Variants in SKAP1 observed in about 807,000 individuals in gnomAD.
SKAP1 encodes src kinase-associated phosphoprotein 1.
SKAP1 carries 44 observed loss-of-function variants against 58.5 expected under a neutral mutation model. The observed-to-expected ratio is 0.75, with a 90% CI of 0.59 to 0.97. The LOEUF (loss-of-function observed/expected upper bound fraction) is 0.97, where lower values mean the gene tolerates loss of function less well. SKAP1 is among the 50% of genes least tolerant of loss of function. SKAP1 has a pLI of 0.00. For missense variants in SKAP1, 390 were observed against 435.2 expected (o/e 0.90, Z 0.92); for synonymous variants, 127 against 149.7 (o/e 0.85, Z 1.11).
At chr17:48,378,366 A>AATAACCAC (rs1386054155) in intron 2 of SKAP1, among the ~76,000 whole-genome samples, 1 of 152,188 alleles carries the variant, frequency 6.6e-6, no homozygotes, top group Non-Finnish European at 1.5e-5. Context: ...AAACAGAAAT[A>AATAACCAC]ATAACCACAT....
intron 4 of SKAP1, among the ~76,000 whole-genome samples, chr17:48,277,752 C>T (rs993408618): frequency 1.3e-5 from 2 of 152,102 alleles, no homozygotes; most frequent in Admixed American, 6.5e-5. Flanking sequence ...AGTCTCATAC[C>T]TCTATGTCCA....
intron 12 of SKAP1, among the ~76,000 whole-genome samples, chr17:48,134,924 G>A (rs1389238057): frequency 2.6e-5 from 4 of 152,064 alleles, no homozygotes; most frequent in East Asian, 1.9e-4. Flanking sequence ...GGCCGGTCCC[G>A]AACTCCTGAC....
intron 4 of SKAP1, among the ~76,000 whole-genome samples, chr17:48,302,840 A>G (rs749913754): frequency 6.6e-6 from 1 of 152,336 alleles, no homozygotes; most frequent in South Asian, 2.1e-4. Flanking sequence ...GGCTGCAAAA[A>G]GCCAGAATCC....
chr17:48,367,536 G>GTATATATATATGGATATATATCCATATA (rs2067020466), intron 2 of SKAP1, among the ~76,000 whole-genome samples: 3 of 135,600 alleles, frequency 2.2e-5, no homozygotes, highest in Admixed American at 7.6e-5. Flanking sequence ...GTATGTGTGT[G>GTATATATATATGGATATATATCCATATA]TATATATATA....
chr17:48,258,137 G>A (rs986342141), intron 4 of SKAP1, among the ~76,000 whole-genome samples: 2 of 152,068 alleles, frequency 1.3e-5, no homozygotes, highest in Admixed American at 1.3e-4. Context: ...GTAGCAAATT[G>A]TCAGTATTCC....
At chr17:48,311,546 C>T (rs1254439202) in intron 4 of SKAP1, among the ~76,000 whole-genome samples, 1 of 152,142 alleles carries the variant, frequency 6.6e-6, no homozygotes, top group Non-Finnish European at 1.5e-5. Context: ...GAACTCTGAA[C>T]TCTATATGCC....
intron 4 of SKAP1, among the ~76,000 whole-genome samples, chr17:48,224,068 A>AGGAGAAGGAGGAGGAGGAGGACG (rs1555605113): frequency 5.2e-5 from 1 of 19,244 alleles, no homozygotes; most frequent in Non-Finnish European, 9.6e-5. Flanking sequence ...GGAGGAGGAG[A>AGGAGAAGGAGGAGGAGGAGGACG]AGGAGGAGGA....
intron 4 of SKAP1, among the ~76,000 whole-genome samples, chr17:48,264,923 TGG>T (rs1337446633): frequency 6.6e-6 from 1 of 152,134 alleles, no homozygotes; most frequent in Non-Finnish European, 1.5e-5. Flanking sequence ...GAAGCTGGCA[TGG>T]GGAGCTGAAG....
intron 4 of SKAP1, among the ~76,000 whole-genome samples, chr17:48,204,958 CTTTCT>C (rs1555602803): frequency 2.5e-5 from 3 of 120,718 alleles, no homozygotes; most frequent in African/African-American, 6.4e-5. Context: ...CCTCCTTCCT[CTTTCT>C]TTTCTTTTCT....
intron 4 of SKAP1, among the ~76,000 whole-genome samples, chr17:48,216,494 C>CTT (rs34252112): frequency 2.1e-5 from 3 of 144,822 alleles, no homozygotes; most frequent in Non-Finnish European, 3.0e-5. Flanking sequence ...TGTGAATATA[C>CTT]TTTTTTTTTT....
chr17:48,332,814 T>G (rs1263494482), intron 4 of SKAP1, among the ~76,000 whole-genome samples: 1 of 152,210 alleles, frequency 6.6e-6, no homozygotes, highest in Non-Finnish European at 1.5e-5. Flanking sequence ...TAGCAGAGTG[T>G]GCAAAAAATT....
At chr17:48,144,905 T>C (rs552346620) in intron 11 of SKAP1, among the ~76,000 whole-genome samples, 14 of 152,214 alleles carry the variant, frequency 9.2e-5, no homozygotes, top group Non-Finnish European at 1.6e-4. Flanking sequence ...GGGATGCACA[T>C]CTACAAGTGA....
At chr17:48,328,560 C>A (rs944469119) in intron 4 of SKAP1, among the ~76,000 whole-genome samples, 40 of 152,128 alleles carry the variant, frequency 2.6e-4, no homozygotes, top group African/African-American at 9.4e-4. Context: ...TCCAAAGCCA[C>A]CAATCAAAAT....
At chr17:48,260,304 G>C (rs577675079) in intron 4 of SKAP1, among the ~76,000 whole-genome samples, 13 of 152,128 alleles carry the variant, frequency 8.5e-5, no homozygotes, top group Non-Finnish European at 1.9e-4. Context: ...GTGAATTTAA[G>C]AGTAAGGGAG....
At chr17:48,205,269 T>C (rs9907268) in intron 4 of SKAP1, among the ~76,000 whole-genome samples, 24,196 of 151,136 alleles carry the variant, frequency 0.16, 2,614 homozygotes, top group African/African-American at 0.3. Flanking sequence ...GTCACCACGC[T>C]CAGCTAATTT....
intron 4 of SKAP1, among the ~76,000 whole-genome samples, chr17:48,225,838 TG>T (rs1460926251): frequency 1.3e-5 from 2 of 152,010 alleles, no homozygotes; most frequent in Non-Finnish European, 2.9e-5. Context: ...AATGAAGAGT[TG>T]AGAGAGATGA....
chr17:48,266,565 C>T (rs545558156), intron 4 of SKAP1, among the ~76,000 whole-genome samples: 53 of 147,416 alleles, frequency 3.6e-4, no homozygotes, highest in African/African-American at 1.3e-3. Context: ...GGCTGGAGTG[C>T]AGTGGCGCAA....
At chr17:48,423,920 C>A (rs2144618299) in intron 1 of SKAP1, among the ~76,000 whole-genome samples, 1 of 152,114 alleles carries the variant, frequency 6.6e-6, no homozygotes, top group South Asian at 2.1e-4. Context: ...CCACGCCTGG[C>A]CCGATTTTTA....
intron 4 of SKAP1, among the ~76,000 whole-genome samples, chr17:48,190,273 A>AT (rs1164659481): frequency 4.7e-5 from 7 of 150,466 alleles, no homozygotes; most frequent in Non-Finnish European, 7.4e-5. Context: ...CGCCCGGCTA[A>AT]TTTTTTTTTG....
Sources: gnomAD v4.1 joint callset for allele counts (sites outside exome capture counted in the v4.1 genomes callset) on GRCh38, gnomAD v4.1.1 for gene constraint, MANE v1.5 for transcripts, NCBI Gene and HGNC (gene_info 2026-07-23, HGNC 2026-07-21) for gene names.